Variants in WDFY4 observed in about 807,000 individuals in gnomAD.
The protein encoded by WDFY4 is WDFY family member 4.
Under a neutral mutation model 351.9 loss-of-function variants are expected in WDFY4, and 169 were observed. The observed-to-expected ratio is 0.48, with a 90% CI of 0.42 to 0.55. The LOEUF is 0.55. Among genes scored for constraint, WDFY4 ranks in the 20% least tolerant of loss-of-function variants. The pLI, the probability that WDFY4 is intolerant of heterozygous loss-of-function variation, is 0.00. For missense variants in WDFY4, 3,803 were observed against 3,935.6 expected (o/e 0.97, Z 0.90); for synonymous variants, 1,622 against 1,574.6 (o/e 1.03, Z -0.71).
At chr10:48,803,092 A>G (rs868007486) in intron 24 of WDFY4, among the ~76,000 whole-genome samples, 194 bp from the exon 25 acceptor site, 11 of 152,206 alleles carry the variant, frequency 7.2e-5, no homozygotes, top group Non-Finnish European at 1.5e-4. Flanking sequence ...AGATGGCGAG[A>G]GAAGGCCTTC....
At chr10:48,931,109 A>T (rs1390636821) in intron 47 of WDFY4, among the ~76,000 whole-genome samples, 1 of 141,850 alleles carries the variant, frequency 7.0e-6, no homozygotes, top group Non-Finnish European at 1.5e-5. Context: ...ACACACACAC[A>T]CACACACACA....
At chr10:48,941,750 T>C in intron 47 of WDFY4, 56 bp from the exon 48 acceptor site, 2 of 1,540,102 alleles carry the variant, frequency 1.3e-6, no homozygotes, top group South Asian at 2.4e-5. Context: ...ACCTCTCCCC[T>C]GTTTGTATTC....
chr10:48,846,929 T>C (rs2068796130), intron 39 of WDFY4, among the ~76,000 whole-genome samples: 1 of 152,178 alleles, frequency 6.6e-6, no homozygotes, highest in Non-Finnish European at 1.5e-5. Context: ...GATCTCCCCA[T>C]AGACTCCAGC....
At chr10:48,763,185 T>A (rs2065564102) in intron 13 of WDFY4, among the ~76,000 whole-genome samples, 1 of 152,240 alleles carries the variant, frequency 6.6e-6, no homozygotes, top group African/African-American at 2.4e-5. Flanking sequence ...ATTTCTCCAA[T>A]CTTCACAGCA....
chr10:48,905,901 A>C (rs1306989804), intron 47 of WDFY4, among the ~76,000 whole-genome samples: 1 of 152,252 alleles, frequency 6.6e-6, no homozygotes, highest in Admixed American at 6.5e-5. Context: ...ATTGATTAAA[A>C]GCAGGTGGCT....
At chr10:48,885,815 AT>A (rs1301028741) in intron 43 of WDFY4, among the ~76,000 whole-genome samples, 3 of 152,220 alleles carry the variant, frequency 2.0e-5, no homozygotes, top group Admixed American at 6.5e-5. Flanking sequence ...CATTCCTTTG[AT>A]TATTAGTATG....
chr10:48,704,435 C>G (rs945981209), intron 1 of WDFY4, among the ~76,000 whole-genome samples: 2 of 152,132 alleles, frequency 1.3e-5, no homozygotes, highest in African/African-American at 2.4e-5. Flanking sequence ...ACAGCACGGC[C>G]GGCAGGGAGG....
At chr10:48,806,750 G>A (rs1349490630) in intron 27 of WDFY4, among the ~76,000 whole-genome samples, 4 of 152,200 alleles carry the variant, frequency 2.6e-5, no homozygotes, top group Non-Finnish European at 5.9e-5. Context: ...CCTGGGCCCT[G>A]CGGCTCTGCA....
chr10:48,875,123 C>T lies in WDFY4; in HGVS notation c.6983C>T (p.Thr2328Ile), dbSNP rs1381297031. The change falls in exon 42 of 62, where the codon ACA becomes ATA. Residue 2328 changes from threonine (T) to isoleucine (I), a missense_variant. By Grantham distance (89) the Thr-to-Ile change is moderately conservative (BLOSUM62 -1). Coordinates refer to ENST00000325239, the MANE Select transcript of WDFY4 (RefSeq NM_001394531.1). The stretch of plus-strand genomic sequence containing the variant: ...GACAAAAATGATCATATTTCTCAAA[C>T]AAATGCTGAAAACCAAGGTATTCAG... ...SQDKNDHISQ[T>I]NAENQDELTL... 6.7e-7 allele frequency: 1 copy of T among 1,490,682 alleles called. No homozygotes were observed. Among genetic ancestry groups the T allele is most frequent in the Non-Finnish European group, 8.9e-7 (1 of 1,117,930 alleles). The allele number at this position is 1,490,682 out of a possible 1,614,324, so 92.3% of individuals were successfully genotyped here.
chr10:48,881,394 A>T (rs1256183659), intron 43 of WDFY4, among the ~76,000 whole-genome samples: 2 of 152,144 alleles, frequency 1.3e-5, no homozygotes, highest in African/African-American at 4.8e-5. Flanking sequence ...GGGGGTCTCC[A>T]TGGGTCTGGT....
chr10:48,811,119 G>C (rs1228451536), intron 29 of WDFY4, among the ~76,000 whole-genome samples: 2 of 152,172 alleles, frequency 1.3e-5, no homozygotes, highest in African/African-American at 4.8e-5. Context: ...GGACACCTCT[G>C]TTATATTATC....
At position 48,830,899 on chromosome 10, in the gene WDFY4, C is replaced by T. The variant is rs115930211; in HGVS notation, c.6526+14C>T. On this transcript the variant is annotated intron_variant, in intron 38 of 61. Transcript: ENST00000325239. Reference sequence around the variant, plus strand: ...AGCATTACTTAGGTCTCTATCCACTCGGCTCCAGGGAATGGGAACTCCTGG... The same window carrying T: ...AGCATTACTTAGGTCTCTATCCACTTGGCTCCAGGGAATGGGAACTCCTGG... 1,515 of 1,546,032 alleles carry T rather than the reference C, an allele frequency of 9.8e-4. 8 individuals carry two copies. The African/African-American group carries it at 0.017, about 17-fold the overall frequency.
In WDFY4 at chr10:48,720,132, G is replaced by A; in HGVS notation, c.349+7G>A. On this transcript the variant is annotated splice_region_variant and intron_variant, in intron 3 of 61. Transcript: ENST00000325239. ...CTTGTGGGGAAGCCTGCGGGTAAGA[G>A]CATGGAGGTGCTGGCAGACCCTCTA... The A allele has an allele frequency of 1.3e-6, 2 of 1,551,282 alleles. No homozygotes were observed. Among genetic ancestry groups the A allele is most frequent in the Non-Finnish European group, 1.7e-6 (2 of 1,146,746 alleles).
Position 48,790,844 on chromosome 10 carries a change from T to G in WDFY4, c.4184T>G (p.Val1395Gly), listed in dbSNP as rs1347949257. The G allele has an allele frequency of 1.9e-6, 3 of 1,551,654 alleles. No individual in the cohort carries two copies. The highest frequency in any genetic ancestry group is 8.7e-7 in the Non-Finnish European group (1 of 1,147,008). Residue 1395 changes from valine to glycine, a missense_variant, in exon 23 of 62, where the codon GTG becomes GGG. Transcript: ENST00000325239. ...GATGACCATACCATGTATGCGGCTG[T>G]GAAAGTTCTGCACTCGGTCCTGACC... ...ATDDHTMYAA[V>G]KVLHSVLTSN... is the part of the protein sequence containing the mutation.
rs199764757 is a variant in WDFY4 at position 48,812,190 on chromosome 10, G to GTTTT, written c.5214+487_5214+490dup. ...TCTTTCTTTCTTTTCTTTTTTTTTT[G>GTTTT]TTTTTTTTGTTTTTTTTTGAGACAG... On this transcript the variant is annotated intron_variant, in intron 30 of 61. Coordinates refer to ENST00000325239, the MANE Select transcript of WDFY4 (RefSeq NM_001394531.1). Among the ~76,000 whole-genome samples, 314 of 137,508 alleles carry GTTTT rather than the reference G, an allele frequency of 2.3e-3. 17 individuals are homozygous for GTTTT. The highest frequency in any genetic ancestry group is 6.8e-3 in the African/African-American group (229 of 33,436). The allele number at this position is 137,508 out of a possible 152,430, so 90.2% of individuals were successfully genotyped here.
chr10:48,765,625 A>C (rs2065644090), intron 13 of WDFY4, among the ~76,000 whole-genome samples: 1 of 152,148 alleles, frequency 6.6e-6, no homozygotes, highest in African/African-American at 2.4e-5. Context: ...AAGAATTGAA[A>C]CTCACAGGAA....
chr10:48,713,521 G>T (rs2063821339), intron 2 of WDFY4, among the ~76,000 whole-genome samples: 3 of 152,206 alleles, frequency 2.0e-5, no homozygotes, highest in Non-Finnish European at 4.4e-5. Flanking sequence ...TGCCTCTTGA[G>T]TTGAAGAGTG....
intron 39 of WDFY4, among the ~76,000 whole-genome samples, chr10:48,836,735 C>T (rs1310907096): frequency 6.6e-6 from 1 of 152,152 alleles, no homozygotes; most frequent in Non-Finnish European, 1.5e-5. Context: ...GTGACATCAC[C>T]CACTATCTCT....
chr10:48,794,127 G>A (rs1422162231), intron 23 of WDFY4, among the ~76,000 whole-genome samples: 1 of 152,152 alleles, frequency 6.6e-6, no homozygotes, highest in Non-Finnish European at 1.5e-5. Context: ...GGGGAACGTA[G>A]GTTCTGCCTC....
Sources: allele counts gnomAD v4.1 joint callset (sites outside exome capture counted in the v4.1 genomes callset), GRCh38; gene constraint gnomAD v4.1.1; transcripts MANE v1.5; gene names NCBI Gene and HGNC (gene_info 2026-07-23, HGNC 2026-07-21).